Variants in TC2N observed in about 807,000 individuals in gnomAD.
TC2N encodes the protein tandem C2 domains nuclear protein.
Under a neutral mutation model 61.9 loss-of-function variants are expected in TC2N, and 51 were observed. That is an observed-to-expected ratio of 0.82 (90% CI 0.66 to 1.04). The LOEUF is 1.04. TC2N is among the 50% of genes least tolerant of loss of function. The pLI is 0.00. For missense variants in TC2N, 556 were observed against 566.7 expected (o/e 0.98, Z 0.19); for synonymous variants, 204 against 192.6 (o/e 1.06, Z -0.49).
chr14:91,860,331 CA>C (rs34305755), intron 1 of TC2N, among the ~76,000 whole-genome samples: 36,812 of 125,330 alleles, frequency 0.29, 5,103 homozygotes, highest in East Asian at 0.52. Context: ...CATTTCCTTG[CA>C]AAAAAAAAAA....
At position 91,780,817 on chromosome 14, in the gene TC2N, ATT is replaced by A. The variant is rs1273538218; in HGVS notation, c.*2281_*2282del. 1.3e-5 allele frequency: 2 copies of A among 152,140 alleles called. No individual in the cohort carries two copies. The highest frequency in any genetic ancestry group is 4.8e-5 in the African/African-American group (2 of 41,424). 9.4% of individuals were successfully genotyped at this position (152,140 alleles called of 1,614,324 possible). A position where few individuals can be genotyped will look rare whatever the true frequency, so the allele number is the denominator to read the frequency against. On this transcript the variant is annotated 3_prime_UTR_variant, in exon 12 of 12. Transcript: ENST00000435962. ...TGCATACCTATTAGCAGGAGATTGG[ATT>A]TTTATTTATAGGTCCACATAAAGCT...
intron 1 of TC2N, among the ~76,000 whole-genome samples, chr14:91,822,794 A>G (rs1043123037): frequency 1.2e-4 from 18 of 146,346 alleles, no homozygotes; most frequent in African/African-American, 3.1e-4. Flanking sequence ...TGCTCACTGT[A>G]AGCTCTGTCT....
chr14:91,829,051 T>TA lies in TC2N; in HGVS notation c.-56-15227dup, dbSNP rs34714993. Among the ~76,000 whole-genome samples, 596 of 144,902 alleles carry TA rather than the reference T, an allele frequency of 4.1e-3. 5 individuals are homozygous for TA. Among genetic ancestry groups the TA allele is most frequent in the African/African-American group, 0.012 (466 of 39,864 alleles). On this transcript the variant is annotated intron_variant, in intron 1 of 11. Coordinates refer to ENST00000435962, the MANE Select transcript of TC2N (RefSeq NM_001128596.3). ...GCTGCTAGCATAACCACTGTTCTTT[T>TA]AAAAAAAAAAAAAAATCTTTTGTCT...
At position 91,797,841 on chromosome 14, in the gene TC2N, T is replaced by C. The variant is rs368275104; in HGVS notation, c.799A>G (p.Ile267Val). Residue 267 changes from isoleucine (I) to valine (V), a missense_variant, in exon 8 of 12, where the codon ATA becomes GTA. Transcript: ENST00000435962. ...GDTPTVSIKG[I>V]LTLPKPVHFK... is the part of the protein sequence containing the mutation. Reference sequence around the variant, plus strand: ...TGCACTGGTTTGGGCAATGTAAGTATTCCTTTTATAGAAACAGTAGGAGTG... The same window carrying C: ...TGCACTGGTTTGGGCAATGTAAGTACTCCTTTTATAGAAACAGTAGGAGTG... 5 of 1,611,546 alleles carry C rather than the reference T, an allele frequency of 3.1e-6. No homozygotes were observed. The highest frequency in any genetic ancestry group is 4.2e-6 in the Non-Finnish European group (5 of 1,178,600).
intron 1 of TC2N, among the ~76,000 whole-genome samples, chr14:91,833,801 T>C (rs573699618): frequency 1.4e-4 from 21 of 152,352 alleles, no homozygotes; most frequent in African/African-American, 4.3e-4. Context: ...CAGCAGATTA[T>C]GAGACTTCCA....
rs536988647 is a variant in TC2N, at chr14:91,805,818, T to C, written c.302-3397A>G. ...ATACAGTAATGTCCTAGTTTTCACA[T>C]TCACTCACTACTCACTCACTGACTC... On this transcript the variant is annotated intron_variant, in intron 3 of 11. Coordinates refer to ENST00000435962, the MANE Select transcript of TC2N (RefSeq NM_001128596.3). 3.9e-5 allele frequency among the ~76,000 whole-genome samples: 6 copies of C among 152,328 alleles called. No individual in the cohort carries two copies. The South Asian group carries it at 1.2e-3, about 32-fold the overall frequency.
At chr14:91,793,276 G>A (rs551355971) in intron 8 of TC2N, among the ~76,000 whole-genome samples, 2 of 152,192 alleles carry the variant, frequency 1.3e-5, no homozygotes, top group East Asian at 3.9e-4. Context: ...GACACTAGAC[G>A]GTTCTTTGCC....
chr14:91,825,026 C>CCTTTTTTTTTTTTTTTTTTT (rs1887429573), intron 1 of TC2N, among the ~76,000 whole-genome samples: 1 of 66,860 alleles, frequency 1.5e-5, no homozygotes, highest in African/African-American at 6.1e-5. Flanking sequence ...TTTTTCTTTT[C>CCTTTTTTTTTTTTTTTTTTT]TTTTTTTTTT....
At chr14:91,865,402 T>C (rs1363535289) in intron 1 of TC2N, among the ~76,000 whole-genome samples, 1 of 151,326 alleles carries the variant, frequency 6.6e-6, no homozygotes, top group African/African-American at 2.4e-5. Context: ...AAAAAACATC[T>C]TTTAGCTATG....
At chr14:91,804,269 A>T (rs1014579955) in intron 3 of TC2N, among the ~76,000 whole-genome samples, 2 of 152,210 alleles carry the variant, frequency 1.3e-5, no homozygotes, top group Non-Finnish European at 2.9e-5. Context: ...TCACTATGGA[A>T]AAAGAGTTTG....
At chr14:91,822,257 C>A (rs1365814268) in intron 1 of TC2N, among the ~76,000 whole-genome samples, 1 of 152,168 alleles carries the variant, frequency 6.6e-6, no homozygotes, top group East Asian at 1.9e-4. Flanking sequence ...AAGTATCTAT[C>A]AACAGATTAA....
chr14:91,812,591 C>A (rs747400479), intron 2 of TC2N, 46 bp from the exon 3 acceptor site: 1 of 941,440 alleles, frequency 1.1e-6, no homozygotes. Context: ...ATATAGGTTA[C>A]ATATAATAAT....
At chr14:91,857,950 TTTG>T (rs996266584) in intron 1 of TC2N, among the ~76,000 whole-genome samples, 3 of 150,668 alleles carry the variant, frequency 2.0e-5, no homozygotes, top group African/African-American at 4.8e-5. Context: ...TATTTGGGTT[TTTG>T]TTGTTGTTGT....
chr14:91,796,458 T>C (rs748866134), intron 8 of TC2N, among the ~76,000 whole-genome samples: 1 of 152,012 alleles, frequency 6.6e-6, no homozygotes. Flanking sequence ...AAAAAAGATA[T>C]GTTGAAGTCC....
intron 1 of TC2N, among the ~76,000 whole-genome samples, chr14:91,825,303 A>G (rs912901430): frequency 2.0e-5 from 3 of 151,946 alleles, no homozygotes; most frequent in Non-Finnish European, 2.9e-5. Flanking sequence ...AAGTGCTGGG[A>G]TTACAGGTGT....
At chr14:91,856,513 A>G (rs1209248699) in intron 1 of TC2N, among the ~76,000 whole-genome samples, 10 of 149,984 alleles carry the variant, frequency 6.7e-5, no homozygotes. Context: ...AGACAAGTTT[A>G]GGGAAGAAAA....
In TC2N at chr14:91,782,695, G is replaced by A. The variant is rs10129281; in HGVS notation, c.*405C>T. The A allele has an allele frequency of 0.023, 3,641 of 155,138 alleles. 149 individuals carry two copies. The highest frequency in any genetic ancestry group is 0.084 in the African/African-American group (3,489 of 41,544). 9.6% of individuals were successfully genotyped at this position (155,138 alleles called of 1,614,324 possible). A position where few individuals can be genotyped will look rare whatever the true frequency, so the allele number is the denominator to read the frequency against. On this transcript the variant is annotated 3_prime_UTR_variant, in exon 12 of 12. Coordinates refer to ENST00000435962, the MANE Select transcript of TC2N (RefSeq NM_001128596.3). ...CAATAATGCCTAGCACTGAAATAAT[G>A]GTAAAGTCTTCTAAATGCCAATAGT...
intron 2 of TC2N, 34 bp downstream of exon 2, chr14:91,813,669 A>G: frequency 7.0e-7 from 1 of 1,426,870 alleles, no homozygotes. Flanking sequence ...AGAAGATGCT[A>G]CATAAATGTT....
At chr14:91,805,463 T>G (rs1008881094) in intron 3 of TC2N, among the ~76,000 whole-genome samples, 1 of 152,174 alleles carries the variant, frequency 6.6e-6, no homozygotes, top group Non-Finnish European at 1.5e-5. Flanking sequence ...GGTTAAGAGA[T>G]CAAGACCATC....
Sources: allele counts gnomAD v4.1 joint callset (sites outside exome capture counted in the v4.1 genomes callset), GRCh38; gene constraint gnomAD v4.1.1; transcripts MANE v1.5; gene names NCBI Gene and HGNC (gene_info 2026-07-23, HGNC 2026-07-21).